Variants in DNAH11 observed in about 807,000 individuals in gnomAD.
The protein encoded by DNAH11 is axonemal beta dynein heavy chain 11.
In DNAH11, 442 loss-of-function variants were observed where a neutral mutation model predicts 526.0. The ratio of observed to expected loss-of-function variants is 0.84; its 90% confidence interval spans 0.78 to 0.91. The LOEUF (loss-of-function observed/expected upper bound fraction) is 0.91, where lower values mean the gene tolerates loss of function less well. Among genes scored for constraint, DNAH11 ranks in the 40% least tolerant of loss-of-function variants. DNAH11 has a pLI of 0.00. For synonymous variants in DNAH11, 2,461 were observed against 1,935.9 expected, an observed-to-expected ratio of 1.27 and a Z score of -7.12; for missense variants, 6,989 against 5,448.7, an observed-to-expected ratio of 1.28 and a Z score of -8.90.
At chr7:21,729,794 C>T (rs895554690) in intron 45 of DNAH11, among the ~76,000 whole-genome samples, 1 of 152,176 alleles carries the variant, frequency 6.6e-6, no homozygotes, top group Non-Finnish European at 1.5e-5. Context: ...GCAATCTAGG[C>T]ATTTTCTTGC....
At chr7:21,698,416 C>T (rs150048844) in intron 36 of DNAH11, among the ~76,000 whole-genome samples, 125 of 152,212 alleles carry the variant, frequency 8.2e-4, no homozygotes, top group African/African-American at 2.9e-3. Context: ...GATCTTGGTG[C>T]ACCTGAGGAG....
At chr7:21,863,448 C>T (rs1783151815) in intron 69 of DNAH11, among the ~76,000 whole-genome samples, 1 of 152,180 alleles carries the variant, frequency 6.6e-6, no homozygotes, top group Non-Finnish European at 1.5e-5. Flanking sequence ...CTGCCTCAGC[C>T]TCCCGAGTAG....
intron 65 of DNAH11, among the ~76,000 whole-genome samples, chr7:21,839,493 T>C (rs1451296625): frequency 1.3e-5 from 2 of 150,592 alleles, no homozygotes; most frequent in African/African-American, 4.9e-5. Context: ...GAAAATGGCG[T>C]GAACCCAGGA....
chr7:21,720,802 C>G lies in DNAH11; in HGVS notation c.7212C>G (p.Val2404=). 2 of 1,611,942 alleles carry G rather than the reference C, an allele frequency of 1.2e-6. No individual in the cohort carries two copies. The highest frequency in any genetic ancestry group is 2.2e-5 in the East Asian group (1 of 44,830). ...ACAGCCCAAAAGAAGTTTATGAAGTCTATTTTGTATTTGCTTGTATCTGGG... is the reference window on the plus strand; with the variant it reads ...ACAGCCCAAAAGAAGTTTATGAAGTGTATTTTGTATTTGCTTGTATCTGGG... ...PSDSPKEVYE[V]YFVFACIWAF... Residue 2404 remains valine, a synonymous_variant, in exon 44 of 82, where the codon GTC becomes GTG. Coordinates refer to ENST00000409508, the MANE Select transcript of DNAH11 (RefSeq NM_001277115.2).
chr7:21,717,649 C>T lies in DNAH11; in HGVS notation c.6984-126C>T, dbSNP rs147266022. The T allele has an allele frequency of 1.6e-4, 173 of 1,086,666 alleles. 3 individuals are homozygous for T. The African/African-American group carries it at 2.0e-3, about 12-fold the overall frequency. 67.3% of individuals were successfully genotyped at this position (1,086,666 alleles called of 1,614,324 possible). On this transcript the variant is annotated intron_variant, in intron 42 of 81. Transcript: ENST00000409508. ...AATATTTGCAGTTTGAAAAATAGAA[C>T]GAACTCACTAAACGTGTCCTTGAAG...
chr7:21,829,095 T>C (rs1038800171), intron 65 of DNAH11, among the ~76,000 whole-genome samples: 2 of 152,150 alleles, frequency 1.3e-5, no homozygotes, highest in African/African-American at 4.8e-5. Context: ...CCTGATCTTT[T>C]CCGCTGCACT....
At chr7:21,865,323 C>T (rs1355783788) in intron 70 of DNAH11, among the ~76,000 whole-genome samples, 1 of 152,096 alleles carries the variant, frequency 6.6e-6, no homozygotes, top group African/African-American at 2.4e-5. Flanking sequence ...ATATGTTCAG[C>T]TTTTTAAAGT....
intron 63 of DNAH11, among the ~76,000 whole-genome samples, chr7:21,813,123 G>C (rs911951793): frequency 1.3e-5 from 2 of 152,160 alleles, no homozygotes; most frequent in Non-Finnish European, 2.9e-5. Context: ...GGCATACATG[G>C]CCTTGAGGGT....
At chr7:21,564,888 T>C (rs1304599282) in intron 6 of DNAH11, among the ~76,000 whole-genome samples, 1 of 149,622 alleles carries the variant, frequency 6.7e-6, no homozygotes, top group Non-Finnish European at 1.5e-5. Flanking sequence ...TTACTCAACC[T>C]GCAAAATGTT....
intron 30 of DNAH11, among the ~76,000 whole-genome samples, chr7:21,667,494 C>T (rs1403734588): frequency 6.6e-6 from 1 of 152,148 alleles, no homozygotes; most frequent in African/African-American, 2.4e-5. Flanking sequence ...AAATTTGGTT[C>T]ATGGCCTATA....
intron 73 of DNAH11, among the ~76,000 whole-genome samples, chr7:21,869,640 A>C (rs947525952): frequency 6.6e-6 from 1 of 152,182 alleles, no homozygotes; most frequent in African/African-American, 2.4e-5. Context: ...TGGCTCTACC[A>C]CATTCTCCCA....
rs1784798202 is a variant in DNAH11, at chr7:21,901,101, CG to C, written c.13399del (p.Val4467TrpfsTer19). ...MPVIFAKATPVDRQETKQTYE... is the reference protein window; with the variant it reads ...MPVIFAKATPXDRQETKQTYE... ...CGGTCATCTTTGCAAAAGCCACCCC[CG>C]TGGACAGACAAGAAACCAAACAGAC... On this transcript the variant is annotated frameshift_variant, in exon 82 of 82. Transcript: ENST00000409508. LOFTEE classifies it high-confidence loss of function. 1 of 1,613,612 alleles carries C rather than the reference CG, an allele frequency of 6.2e-7. No homozygotes were observed.
chr7:21,701,928 G>A (rs975779663), intron 36 of DNAH11, among the ~76,000 whole-genome samples: 7 of 150,348 alleles, frequency 4.7e-5, no homozygotes, highest in Non-Finnish European at 5.9e-5. Context: ...GTAGCTGGAC[G>A]GTGAAAGAGG....
intron 28 of DNAH11, among the ~76,000 whole-genome samples, chr7:21,651,219 A>G (rs73682667): frequency 0.017 from 2,598 of 152,262 alleles, 68 homozygotes; most frequent in African/African-American, 0.058. Flanking sequence ...CTTTGTGTAT[A>G]TTTTATCCCA....
intron 68 of DNAH11, among the ~76,000 whole-genome samples, chr7:21,858,327 A>G (rs1423772456): frequency 6.6e-6 from 1 of 152,226 alleles, no homozygotes; most frequent in Non-Finnish European, 1.5e-5. Context: ...TCTTGTAAAG[A>G]TAAATATACA....
rs769637393 is a variant in DNAH11 at position 21,571,866 on chromosome 7, A to G, written c.1486A>G (p.Lys496Glu). The change falls in exon 8 of 82, where the codon AAA becomes GAA. Residue 496 changes from lysine (K) to glutamate (E), a missense_variant. By Grantham distance (56) the Lys-to-Glu change is moderately conservative (BLOSUM62 1). Transcript: ENST00000409508. ...GGAAAGACTGGAATTTGGTGGTACC[A>G]AAGGAGCAATTTTAAATGGACAAGT... ...KLERLEFGGT[K>E]GAILNGQVHE... 6.2e-7 allele frequency: 1 copy of G among 1,613,314 alleles called. No homozygotes were observed. The highest frequency in any genetic ancestry group is 8.5e-7 in the Non-Finnish European group (1 of 1,179,620).
At chr7:21,622,298 C>T (rs573311095) in intron 25 of DNAH11, among the ~76,000 whole-genome samples, 36 of 152,158 alleles carry the variant, frequency 2.4e-4, no homozygotes, top group African/African-American at 8.2e-4. Context: ...AACTACAAAC[C>T]ACTGCTCAAT....
At chr7:21,831,520 T>C (rs1364591652) in intron 65 of DNAH11, among the ~76,000 whole-genome samples, 2 of 152,178 alleles carry the variant, frequency 1.3e-5, no homozygotes, top group Non-Finnish European at 2.9e-5. Context: ...ACATATCAAA[T>C]AATGTTTCAG....
At chr7:21,892,073 C>G (rs1053655882) in intron 76 of DNAH11, among the ~76,000 whole-genome samples, 6 of 152,032 alleles carry the variant, frequency 3.9e-5, no homozygotes, top group African/African-American at 1.4e-4. Context: ...GATTTCCTCT[C>G]TGGGAAATGG....
Sources: allele counts gnomAD v4.1 joint callset (sites outside exome capture counted in the v4.1 genomes callset), GRCh38; gene constraint gnomAD v4.1.1; transcripts MANE v1.5; gene names NCBI Gene and HGNC (gene_info 2026-07-23, HGNC 2026-07-21).